The following TNXB variants were observed in gnomAD, a reference collection of about 807,000 sequenced individuals.
TNXB encodes the protein tenascin XB.
Under a neutral mutation model 340.5 loss-of-function variants are expected in TNXB, and 183 were observed. The observed-to-expected ratio is 0.54, with a 90% CI of 0.48 to 0.61. The LOEUF (loss-of-function observed/expected upper bound fraction) is 0.61. Ranked by LOEUF, TNXB falls within the 20% of genes least tolerant of loss-of-function variation. The pLI is 0.00. For synonymous variants in TNXB, 2,121 were observed against 2,314.5 expected (o/e 0.92, Z 2.40); for missense variants, 4,613 against 5,446.4 (o/e 0.85, Z 4.82).
rs549287589 is a variant in TNXB at position 32,069,210 on chromosome 6, G to A, written c.5588-74C>T. 2.8e-6 allele frequency: 4 copies of A among 1,449,726 alleles called. No homozygotes were observed. In the East Asian group the frequency reaches 7.1e-5, roughly 26 times the overall value. 89.8% of individuals were successfully genotyped at this position (1,449,726 alleles called of 1,614,324 possible). On this transcript the variant is annotated intron_variant, in intron 15 of 43. Coordinates refer to ENST00000644971, the MANE Select transcript of TNXB (RefSeq NM_001365276.2). This position sits in a 1 kb window ranked among gnomAD's most constrained non-coding sequence, Gnocchi z 6.2. ...CCAGACTCTCAGGAGGAGTGAGGGA[G>A]GAGAGGGAGTGAGGGCAAGCAGTCA...
In TNXB at chr6:32,043,639, G is replaced by T. The variant is rs1455918141; in HGVS notation, c.11531-83C>A. 4 of 1,497,422 alleles carry T rather than the reference G, an allele frequency of 2.7e-6. No homozygotes were observed. The African/African-American group carries it at 4.2e-5, about 16-fold the overall frequency. 92.8% of individuals were successfully genotyped at this position (1,497,422 alleles called of 1,614,324 possible). ...CCCAGACTCCACTGGCCTCCCGTCC[G>T]CAATCGGAGCCTCCACCACCTCCCT... On this transcript the variant is annotated intron_variant, in intron 35 of 43. Coordinates refer to ENST00000644971, the MANE Select transcript of TNXB (RefSeq NM_001365276.2).
chr6:32,081,740 G>C lies in TNXB; in HGVS notation c.3737-67C>G. 1 of 1,214,634 alleles carries C rather than the reference G, an allele frequency of 8.2e-7. No homozygotes were observed. Among genetic ancestry groups the C allele is most frequent in the Non-Finnish European group, 1.1e-6 (1 of 871,552 alleles). The allele number at this position is 1,214,634 out of a possible 1,614,324, so 75.2% of individuals were successfully genotyped here. A position where few individuals can be genotyped will look rare whatever the true frequency, so the allele number is the denominator to read the frequency against. On this transcript the variant is annotated intron_variant, in intron 9 of 43. Coordinates refer to ENST00000644971, the MANE Select transcript of TNXB (RefSeq NM_001365276.2). This position sits in a 1 kb window ranked among gnomAD's most constrained non-coding sequence, Gnocchi z 5.1. ...TGGGACTGGGGCTTGGGGTTTCGAC[G>C]GGATGTCACACCTATGGGGGGTGGG... is the stretch of plus-strand genomic sequence containing the variant.
rs2151894663 is a variant in TNXB at position 32,051,118 on chromosome 6, C to A, written c.9116-797G>T. On this transcript the variant is annotated intron_variant, in intron 26 of 43. Transcript: ENST00000644971. This position sits in a 1 kb window ranked among gnomAD's most constrained non-coding sequence, Gnocchi z 4.7. ...CCTCCTGGCCTTTGCACCACCTGTG[C>A]TGATCTGACACGCTTCACCTTCTCT... Among the ~76,000 whole-genome samples the A allele has an allele frequency of 6.6e-6, 1 of 152,384 alleles. No homozygotes were observed. Among genetic ancestry groups the A allele is most frequent in the African/African-American group, 2.4e-5 (1 of 41,592 alleles).
rs369271286 is a variant in TNXB at position 32,064,907 on chromosome 6, A to G, written c.6755T>C (p.Leu2252Pro). The G allele has an allele frequency of 6.2e-7, 1 of 1,612,694 alleles. No individual in the cohort carries two copies. Among genetic ancestry groups the G allele is most frequent in the Non-Finnish European group, 8.5e-7 (1 of 1,179,870 alleles). The change falls in exon 19 of 44, where the codon CTG becomes CCG. Residue 2252 changes from leucine (L) to proline (P), a missense_variant. Leu to Pro is a moderately conservative substitution (Grantham distance 98). Transcript: ENST00000644971. The surrounding 1 kb of genome is among the most constrained non-coding windows in gnomAD (Gnocchi z 5.3). ...GHEDGVTISG[L>P]EPDHKYKMNL... The stretch of plus-strand genomic sequence containing the variant: ...CATCTTGTACTTGTGGTCTGGCTCC[A>G]GGCCCGAGATGGTGACCCCATCCTC...
rs1271006623 is a variant in TNXB, at chr6:32,056,767, C to G, written c.7962G>C (p.Gln2654His). 6.2e-7 allele frequency: 1 copy of G among 1,613,392 alleles called. No homozygotes were observed. The highest frequency in any genetic ancestry group is 1.7e-5 in the Admixed American group (1 of 60,036). Reference protein sequence around the residue: ...LSLSWTVPEGQFDHFLVQYRN... With the variant: ...LSLSWTVPEGHFDHFLVQYRN... ...TGTACTGGACCAGGAAGTGGTCAAACTGGCCCTCGGGAACCGTCCAGGACA... is the reference window on the plus strand; with the variant it reads ...TGTACTGGACCAGGAAGTGGTCAAAGTGGCCCTCGGGAACCGTCCAGGACA... The change falls in exon 23 of 44, where the codon CAG becomes CAC. Residue 2654 changes from glutamine to histidine, a missense_variant. By Grantham distance (24) the Gln-to-His change is conservative (BLOSUM62 0). This residue lies in a region of TNXB where 4,327 missense variants were observed against 4,859.4 expected (regional missense o/e 0.89). Transcript: ENST00000644971.
In TNXB at chr6:32,085,072, C is replaced by T. The variant is rs1779694413; in HGVS notation, c.3149-363G>A. 6.6e-6 allele frequency among the ~76,000 whole-genome samples: 1 copy of T among 152,164 alleles called. No homozygotes were observed. The highest frequency in any genetic ancestry group is 1.5e-5 in the Non-Finnish European group (1 of 68,034). ...CTGAGCTGCTGTCTCTCTTACCACCCTCTCTTCCAGTGGTGAGCTTGACCT... is the reference window on the plus strand; with the variant it reads ...CTGAGCTGCTGTCTCTCTTACCACCTTCTCTTCCAGTGGTGAGCTTGACCT... On this transcript the variant is annotated intron_variant, in intron 7 of 43. Transcript: ENST00000644971. The surrounding 1 kb of genome is among the most constrained non-coding windows in gnomAD (Gnocchi z 6.4).
In TNXB at chr6:32,047,718, C is replaced by A; in HGVS notation, c.10324+16G>T. On this transcript the variant is annotated intron_variant, in intron 30 of 43. Coordinates refer to ENST00000644971, the MANE Select transcript of TNXB (RefSeq NM_001365276.2). This position sits in a 1 kb window ranked among gnomAD's most constrained non-coding sequence, Gnocchi z 6.2. ...GAGGCAGCTCTGGAAAAGGTGGAGG[C>A]TGGACTGGGACTCACCTGTGGTGCT... 1 of 1,572,008 alleles carries A rather than the reference C, an allele frequency of 6.4e-7. No individual in the cohort carries two copies. Among genetic ancestry groups the A allele is most frequent in the Non-Finnish European group, 8.6e-7 (1 of 1,156,110 alleles).
At chr6:32,101,077 C>CAAAAAAAAAA in intron 1 of TNXB, among the ~76,000 whole-genome samples, 1 of 46,952 alleles carries the variant, frequency 2.1e-5, no homozygotes, top group African/African-American at 9.2e-5. Context: ...AACTCCATCT[C>CAAAAAAAAAA]AAAAAAAAAA....
At position 32,061,658 on chromosome 6, in the gene TNXB, C is replaced by T; in HGVS notation, c.7231G>A (p.Glu2411Lys). The T allele has an allele frequency of 1.2e-6, 2 of 1,612,674 alleles. No homozygotes were observed. Among genetic ancestry groups the T allele is most frequent in the Non-Finnish European group, 1.7e-6 (2 of 1,179,836 alleles). ...PSMEAPEPPE[E>K]PLLGELTVTG... ...ACTGTTAGCTCCCCCAGGAGCGGCTCCTCAGGGGGCTCCGGGGCCTCCATG... is the reference window on the plus strand; with the variant it reads ...ACTGTTAGCTCCCCCAGGAGCGGCTTCTCAGGGGGCTCCGGGGCCTCCATG... Residue 2411 changes from glutamate (E) to lysine (K), a missense_variant, in exon 21 of 44, where the codon GAG becomes AAG. Physicochemically the swap from Glu to Lys is moderately conservative, Grantham distance 56. Coordinates refer to ENST00000644971, the MANE Select transcript of TNXB (RefSeq NM_001365276.2). The surrounding 1 kb of genome is among the most constrained non-coding windows in gnomAD (Gnocchi z 4.4).
At position 32,069,534 on chromosome 6, in the gene TNXB, C is replaced by T. The variant is rs1455477968; in HGVS notation, c.5587+19G>A. 6.5e-7 allele frequency: 1 copy of T among 1,534,762 alleles called. No individual in the cohort carries two copies. Among genetic ancestry groups the T allele is most frequent in the Non-Finnish European group, 8.8e-7 (1 of 1,138,200 alleles). The stretch of plus-strand genomic sequence containing the variant: ...CAGGCGGGAAGGAGGCACAGGTGTT[C>T]CAGCTGCCGCACACTCACCAGTAAT... On this transcript the variant is annotated intron_variant, in intron 15 of 43. Coordinates refer to ENST00000644971, the MANE Select transcript of TNXB (RefSeq NM_001365276.2). The surrounding 1 kb of genome is among the most constrained non-coding windows in gnomAD (Gnocchi z 6.2).
At chr6:32,086,173 G>A in intron 6 of TNXB, 55 bp from the exon 7 acceptor site, 2 of 1,434,162 alleles carry the variant, frequency 1.4e-6, no homozygotes, top group Non-Finnish European at 1.8e-6. Context: ...AACTAGAAAG[G>A]AATCCCCAGT....
rs1244337420 is a variant in TNXB at position 32,068,273 on chromosome 6, A to C, written c.6220+117T>G. ...CCCAAGGGGAGCCCCAGCCCCAGCC[A>C]CAAGCAGGTCTGTGGTGCTGACCAG... On this transcript the variant is annotated intron_variant, in intron 17 of 43. Transcript: ENST00000644971. This position sits in a 1 kb window ranked among gnomAD's most constrained non-coding sequence, Gnocchi z 5.3. 5 of 1,421,300 alleles carry C rather than the reference A, an allele frequency of 3.5e-6. No individual in the cohort carries two copies. Among genetic ancestry groups the C allele is most frequent in the Non-Finnish European group, 4.7e-6 (5 of 1,053,554 alleles). 88.0% of individuals were successfully genotyped at this position (1,421,300 alleles called of 1,614,324 possible).
chr6:32,048,758 C>A (rs557577520), intron 28 of TNXB, 108 bp from the exon 29 acceptor site: 4 of 1,160,928 alleles, frequency 3.4e-6, no homozygotes, highest in African/African-American at 3.1e-5. Flanking sequence ...TCCTCTAAAA[C>A]GCTTGTTTTA....
chr6:32,073,952 G>A lies in TNXB; in HGVS notation c.4376C>T (p.Ala1459Val). ...TGGAGGGGTCTCTTCTTGTTGTGGG[G>A]CTGGGACAGAGATGGTAGGGGGCTG... ...VGPVSAVGVT[A>V]PQQEETPPAT... The change falls in exon 12 of 44, where the codon GCC becomes GTC. Residue 1459 changes from alanine to valine, a missense_variant and splice_region_variant. Ala to Val is a moderately conservative substitution (Grantham distance 64). Transcript: ENST00000644971. The surrounding 1 kb of genome is among the most constrained non-coding windows in gnomAD (Gnocchi z 4.6). 6.3e-7 allele frequency: 1 copy of A among 1,589,650 alleles called. No homozygotes were observed.
Position 32,073,255 on chromosome 6 carries a change from G to A in TNXB, c.4681+392C>T, listed in dbSNP as rs1050883687. ...AGGGACTCAGGATGTAAAGCACTTCGCCTCAACAAAAAAGGGCAGAAGCAG... is the reference window on the plus strand; with the variant it reads ...AGGGACTCAGGATGTAAAGCACTTCACCTCAACAAAAAAGGGCAGAAGCAG... On this transcript the variant is annotated intron_variant, in intron 12 of 43. Transcript: ENST00000644971. The surrounding 1 kb of genome is among the most constrained non-coding windows in gnomAD (Gnocchi z 4.6). 2.6e-5 allele frequency among the ~76,000 whole-genome samples: 4 copies of A among 152,072 alleles called. No individual in the cohort carries two copies. The highest frequency in any genetic ancestry group is 4.4e-5 in the Non-Finnish European group (3 of 68,016).
rs779291187 is a variant in TNXB, at chr6:32,073,664, G to A, written c.4664C>T (p.Ser1555Phe). The change falls in exon 12 of 44, where the codon TCT becomes TTT. Residue 1555 changes from serine (S) to phenylalanine (F), a missense_variant. By Grantham distance (155) the Ser-to-Phe change is radical. Coordinates refer to ENST00000644971, the MANE Select transcript of TNXB (RefSeq NM_001365276.2). This position sits in a 1 kb window ranked among gnomAD's most constrained non-coding sequence, Gnocchi z 4.6. The part of the protein sequence containing the change: ...LHDGQRMGPL[S>F]VVIVTAPLPP... Reference sequence around the variant, plus strand: ...TTACTCACCCGTCACGATGACCACAGACAGGGGGCCCATGCGTTGCCCATC... The same window carrying A: ...TTACTCACCCGTCACGATGACCACAAACAGGGGGCCCATGCGTTGCCCATC... 123 of 1,608,074 alleles carry A rather than the reference G, an allele frequency of 7.6e-5. No individual in the cohort carries two copies. Among genetic ancestry groups the A allele is most frequent in the Non-Finnish European group, 1.0e-4 (121 of 1,177,440 alleles).
chr6:32,051,129 C>T lies in TNXB; in HGVS notation c.9116-808G>A, dbSNP rs1351088632. On this transcript the variant is annotated intron_variant, in intron 26 of 43. Coordinates refer to ENST00000644971, the MANE Select transcript of TNXB (RefSeq NM_001365276.2). This position sits in a 1 kb window ranked among gnomAD's most constrained non-coding sequence, Gnocchi z 4.7. Reference sequence around the variant, plus strand: ...TTGCACCACCTGTGCTGATCTGACACGCTTCACCTTCTCTCTAAAGCTGTC... The same window carrying T: ...TTGCACCACCTGTGCTGATCTGACATGCTTCACCTTCTCTCTAAAGCTGTC... Among the ~76,000 whole-genome samples the T allele has an allele frequency of 1.3e-5, 2 of 152,266 alleles. No individual in the cohort carries two copies. The highest frequency in any genetic ancestry group is 2.4e-5 in the African/African-American group (1 of 41,474).
chr6:32,091,230 C>A (rs1185305363), intron 4 of TNXB, among the ~76,000 whole-genome samples: 1 of 152,078 alleles, frequency 6.6e-6, no homozygotes, highest in Non-Finnish European at 1.5e-5. Flanking sequence ...CCTGCCTCAG[C>A]CTCCCGAGTA....
chr6:32,085,723 T>C lies in TNXB; in HGVS notation c.3148+27A>G. 1.3e-6 allele frequency: 2 copies of C among 1,498,636 alleles called. No homozygotes were observed. The highest frequency in any genetic ancestry group is 2.3e-5 in the East Asian group (1 of 43,724). 92.8% of individuals were successfully genotyped at this position (1,498,636 alleles called of 1,614,324 possible). On this transcript the variant is annotated intron_variant, in intron 7 of 43. Coordinates refer to ENST00000644971, the MANE Select transcript of TNXB (RefSeq NM_001365276.2). This position sits in a 1 kb window ranked among gnomAD's most constrained non-coding sequence, Gnocchi z 6.4. ...CAGCTCCTCCCCCAATCTCAGGATA[T>C]TGATCTGAGCAGAGTCCAAGATGTA...
Sources: gnomAD v4.1 joint callset for allele counts (sites outside exome capture counted in the v4.1 genomes callset) on GRCh38, gnomAD v4.1.1 for gene constraint, gnomAD v4.1.1 regional missense constraint, Gnocchi (gnomAD v3.1) non-coding constraint, MANE v1.5 for transcripts, NCBI Gene and HGNC (gene_info 2026-07-23, HGNC 2026-07-21) for gene names.